BOP1: variants seen among roughly 807,000 people sequenced by gnomAD.
BOP1 encodes the protein ribosome biogenesis protein BOP1.
Under a neutral mutation model 82.9 loss-of-function variants are expected in BOP1, and 54 were observed. The ratio of observed to expected loss-of-function variants is 0.65; its 90% CI spans 0.52 to 0.82. BOP1 has a LOEUF of 0.82. Among genes scored for constraint, BOP1 ranks in the 40% least tolerant of loss-of-function variants. BOP1 has a pLI of 0.00. For synonymous variants in BOP1, 566 were observed against 451.1 expected (o/e 1.25, Z -3.23); for missense variants, 1,170 against 1,072.0 (o/e 1.09, Z -1.28).
At position 144,264,361 on chromosome 8, in the gene BOP1, T is replaced by C; in HGVS notation, c.842A>G (p.Tyr281Cys). The C allele has an allele frequency of 3.1e-6, 5 of 1,605,540 alleles. No individual in the cohort carries two copies. The highest frequency in any genetic ancestry group is 1.7e-5 in the Admixed American group (1 of 59,970). Residue 281 changes from tyrosine (Y) to cysteine (C), a missense_variant, in exon 7 of 16, where the codon TAT (tyrosine) becomes TGT (cysteine). Transcript: ENST00000569669. ...RRPRDPTPSF[Y>C]DLWAQEDPNA... ...GGGGTCCTCCTGGGCCCACAGGTCA[T>C]AGAAGCTGGGGGTGGGGTCTCGGGG... is the stretch of plus-strand genomic sequence containing the variant.
In BOP1 at chr8:144,274,867, T is replaced by C. The variant is rs943461181; in HGVS notation, c.390+1357A>G. ...CATCGATTTCTCAAAATACCAAATA[T>C]AAAAAAGTAGCCGACAGGATGTGGC... On this transcript the variant is annotated intron_variant, in intron 3 of 15. Coordinates refer to ENST00000569669, the MANE Select transcript of BOP1 (RefSeq NM_015201.5). Among the ~76,000 whole-genome samples, 206 of 151,966 alleles carry C rather than the reference T, an allele frequency of 1.4e-3. 2 individuals carry two copies. Among genetic ancestry groups the C allele is most frequent in the African/African-American group, 4.5e-3 (187 of 41,446 alleles).
intron 3 of BOP1, among the ~76,000 whole-genome samples, chr8:144,272,201 C>T (rs998622486): frequency 7.2e-5 from 11 of 152,112 alleles, no homozygotes; most frequent in Non-Finnish European, 1.2e-4. Flanking sequence ...CACCCCTCCT[C>T]GGCCTGCTCT....
At chr8:144,277,903 G>A (rs1007275837) in intron 2 of BOP1, among the ~76,000 whole-genome samples, 17 of 91,890 alleles carry the variant, frequency 1.9e-4, no homozygotes, top group Admixed American at 1.7e-3. Context: ...GGCATTGAAC[G>A]TATTTTTTTT....
chr8:144,268,246 C>T, intron 3 of BOP1: 16 of 1,486,302 alleles, frequency 1.1e-5, no homozygotes, highest in Non-Finnish European at 1.5e-5. Context: ...GCAAGGCCCA[C>T]CGCAAGCATG....
chr8:144,273,471 C>T (rs1013442950), intron 3 of BOP1, among the ~76,000 whole-genome samples: 3 of 152,246 alleles, frequency 2.0e-5, no homozygotes, highest in Non-Finnish European at 4.4e-5. Flanking sequence ...GCGGCTCCTC[C>T]GGCCAGAGTG....
chr8:144,286,291 G>A (rs1554839458), intron 2 of BOP1, among the ~76,000 whole-genome samples: 3 of 152,112 alleles, frequency 2.0e-5, no homozygotes, highest in Non-Finnish European at 1.5e-5. Flanking sequence ...GGCCCAAGGT[G>A]CCCCTCAGCT....
Position 144,262,441 on chromosome 8 carries a change from C to T in BOP1, c.2042G>A (p.Gly681Asp). ...GACGATGACACTGCCGTCGTCCGAGCCTGACGCAAAGAGTGGGTACCGCGG... is the reference window on the plus strand; with the variant it reads ...GACGATGACACTGCCGTCGTCCGAGTCTGACGCAAAGAGTGGGTACCGCGG... ...FHPRYPLFASGSDDGSVIVCH... is the reference protein window; with the variant it reads ...FHPRYPLFASDSDDGSVIVCH... Residue 681 changes from glycine to aspartate, a missense_variant, in exon 15 of 16, where the codon GGC (glycine) becomes GAC (aspartate). By Grantham distance (94) the Gly-to-Asp change is moderately conservative (BLOSUM62 -1). Transcript: ENST00000569669. 1 of 1,612,900 alleles carries T rather than the reference C, an allele frequency of 6.2e-7. No homozygotes were observed. The highest frequency in any genetic ancestry group is 8.5e-7 in the Non-Finnish European group (1 of 1,179,830).
intron 2 of BOP1, among the ~76,000 whole-genome samples, chr8:144,280,574 C>A (rs782373009): frequency 6.6e-6 from 1 of 152,224 alleles, no homozygotes; most frequent in South Asian, 2.1e-4. Context: ...CTGGGAAGGC[C>A]GGGCCCAGTG....
intron 2 of BOP1, among the ~76,000 whole-genome samples, chr8:144,285,362 T>C (rs7828303): frequency 0.69 from 105,549 of 152,150 alleles, 37,231 homozygotes; most frequent in African/African-American, 0.81. Context: ...GTCCTTCAGA[T>C]GCACGAGGCA....
At position 144,264,321 on chromosome 8, in the gene BOP1, C is replaced by T; in HGVS notation, c.882G>A (p.Gly294=). 2 of 1,610,242 alleles carry T rather than the reference C, an allele frequency of 1.2e-6. No individual in the cohort carries two copies. Among genetic ancestry groups the T allele is most frequent in the Non-Finnish European group, 1.7e-6 (2 of 1,179,596 alleles). Residue 294 remains glycine, a synonymous_variant, in exon 7 of 16, where the codon GGG becomes GGA. Coordinates refer to ENST00000569669, the MANE Select transcript of BOP1 (RefSeq NM_015201.5). ...WAQEDPNAVL[G]RHKMHVPAPK... is the part of the protein sequence containing the mutation. The stretch of plus-strand genomic sequence containing the variant: ...GAGCAGGTACGTGCATCTTGTGGCG[C>T]CCGAGCACGGCGTTGGGGTCCTCCT...
Position 144,291,202 on chromosome 8 carries a change from C to T in BOP1, c.99+70G>A. On this transcript the variant is annotated intron_variant, in intron 1 of 15. Coordinates refer to ENST00000569669, the MANE Select transcript of BOP1 (RefSeq NM_015201.5). The surrounding 1 kb of genome is among the most constrained non-coding windows in gnomAD (Gnocchi z 4.1). ...AGGTGACAGAAGCCGGGCCCACCCG[C>T]CCCAGCGCGGCCACGTGCCCGCCGG... is the stretch of plus-strand genomic sequence containing the variant. 4 of 1,300,938 alleles carry T rather than the reference C, an allele frequency of 3.1e-6. No individual in the cohort carries two copies. In the South Asian group the frequency reaches 6.9e-5, roughly 22 times the overall value. 80.6% of individuals were successfully genotyped at this position (1,300,938 alleles called of 1,614,324 possible). A position where few individuals can be genotyped will look rare whatever the true frequency, so the allele number is the denominator to read the frequency against.
intron 2 of BOP1, among the ~76,000 whole-genome samples, chr8:144,283,723 A>C (rs1814781925): frequency 6.6e-6 from 1 of 152,234 alleles, no homozygotes. Flanking sequence ...AAGCAGCAAC[A>C]CCATGAGGGA....
At position 144,263,310 on chromosome 8, in the gene BOP1, C is replaced by T. The variant is rs1354346460; in HGVS notation, c.1516G>A (p.Glu506Lys). 1.1e-5 allele frequency: 18 copies of T among 1,594,046 alleles called. No individual in the cohort carries two copies. Among genetic ancestry groups the T allele is most frequent in the Non-Finnish European group, 1.5e-5 (18 of 1,178,814 alleles). Reference protein sequence around the residue: ...DQLLSAFVPPEEPPLQPARWL... With the variant: ...DQLLSAFVPPKEPPLQPARWL... ...CGGGCCGGCTGCAAGGGGGGCTCCTCAGGCGGGACGAAGGCGCTCAACAGC... is the reference window on the plus strand; with the variant it reads ...CGGGCCGGCTGCAAGGGGGGCTCCTTAGGCGGGACGAAGGCGCTCAACAGC... Residue 506 changes from glutamate (E) to lysine (K), a missense_variant, in exon 12 of 16, where the codon GAG becomes AAG. By Grantham distance (56) the Glu-to-Lys change is moderately conservative (BLOSUM62 1). Transcript: ENST00000569669.
Position 144,264,007 on chromosome 8 carries a change from G to T in BOP1, c.1114C>A (p.Leu372Met). 1 of 1,609,294 alleles carries T rather than the reference G, an allele frequency of 6.2e-7. No individual in the cohort carries two copies. Among genetic ancestry groups the T allele is most frequent in the Non-Finnish European group, 8.5e-7 (1 of 1,179,782 alleles). Reference protein sequence around the residue: ...ERFERCLDLYLCPRQRKMRVN... With the variant: ...ERFERCLDLYMCPRQRKMRVN... ...CTCATCTTGCGCTGCCGTGGGCACA[G>T]GTACAGGTCAAGGCAGCGCTCGAAG... The change falls in exon 8 of 16, where the codon CTG becomes ATG. Residue 372 changes from leucine to methionine, a missense_variant. Transcript: ENST00000569669.
chr8:144,282,465 G>C (rs1180202352), intron 2 of BOP1, among the ~76,000 whole-genome samples: 1 of 152,148 alleles, frequency 6.6e-6, no homozygotes, highest in Non-Finnish European at 1.5e-5. Context: ...GGTGAGGCTG[G>C]CCCACCAAGC....
Position 144,262,502 on chromosome 8 carries a change from G to A in BOP1, c.1981C>T (p.His661Tyr). The A allele has an allele frequency of 6.2e-7, 1 of 1,613,014 alleles. No individual in the cohort carries two copies. Among genetic ancestry groups the A allele is most frequent in the African/African-American group, 1.3e-5 (1 of 75,022 alleles). Residue 661 changes from histidine (H) to tyrosine (Y), a missense_variant and splice_region_variant, in exon 15 of 16, where the codon CAC (histidine) becomes TAC (tyrosine). Coordinates refer to ENST00000569669, the MANE Select transcript of BOP1 (RefSeq NM_015201.5). ...ACAGCCCGCAGAGCCTTCTTGTGGT[G>A]TCTGGGGGGAGGGAACCAGGTTGAA... ...LSTKPYRMLR[H>Y]HKKALRAVAF...
chr8:144,262,832 T>TGCACC (rs1845253689), intron 13 of BOP1, 21 bp downstream of exon 13: 5 of 533,734 alleles, frequency 9.4e-6, no homozygotes, highest in Non-Finnish European at 1.4e-5. Flanking sequence ...ACCTGCAGGG[T>TGCACC]GCACCGCCCC....
intron 3 of BOP1, among the ~76,000 whole-genome samples, chr8:144,269,425 C>G (rs1037137265): frequency 6.6e-6 from 1 of 152,202 alleles, no homozygotes; most frequent in Admixed American, 6.5e-5. Flanking sequence ...GTGCTGTGGC[C>G]CACGTGGGCA....
intron 2 of BOP1, among the ~76,000 whole-genome samples, chr8:144,281,029 C>G (rs989824389): frequency 2.6e-4 from 37 of 144,164 alleles, no homozygotes; most frequent in East Asian, 8.8e-4. Flanking sequence ...CCTTCTCTCA[C>G]TTTAATACCA....
Sources: allele counts gnomAD v4.1 joint callset (sites outside exome capture counted in the v4.1 genomes callset), GRCh38; gene constraint gnomAD v4.1.1; non-coding constraint Gnocchi (gnomAD v3.1); transcripts MANE v1.5; gene names NCBI Gene and HGNC (gene_info 2026-07-23, HGNC 2026-07-21).